Variants in ST3GAL3 observed in about 807,000 individuals in gnomAD.
ST3GAL3 encodes CMP-N-acetylneuraminate-beta-1,4-galactoside alpha-2,3-sialyltransferase.
Under a neutral mutation model 50.1 loss-of-function variants are expected in ST3GAL3, and 21 were observed. The observed-to-expected ratio is 0.42, with a 90% CI of 0.30 to 0.60. The LOEUF (loss-of-function observed/expected upper bound fraction) is 0.60. Ranked by LOEUF, ST3GAL3 falls within the 20% of genes least tolerant of loss-of-function variation. The pLI, the probability that ST3GAL3 is intolerant of heterozygous loss-of-function variation, is 0.19. For synonymous variants in ST3GAL3, 183 were observed against 190.0 expected (o/e 0.96, Z 0.30); for missense variants, 353 against 489.4 (o/e 0.72, Z 2.63).
At chr1:43,793,203 C>T (rs1422717350) in intron 3 of ST3GAL3, among the ~76,000 whole-genome samples, 2 of 152,158 alleles carry the variant, frequency 1.3e-5, no homozygotes, top group Non-Finnish European at 2.9e-5. Flanking sequence ...CTATCTCTTA[C>T]AATCGCTTTT....
intron 4 of ST3GAL3, among the ~76,000 whole-genome samples, chr1:43,837,878 A>G (rs1412308500): frequency 1.3e-5 from 2 of 152,154 alleles, no homozygotes; most frequent in African/African-American, 2.4e-5. Context: ...TTATTTATCT[A>G]TCTATTCCTT....
In ST3GAL3 at chr1:43,907,778, C is replaced by G. The variant is rs553129626; in HGVS notation, c.744+8051C>G. Among the ~76,000 whole-genome samples, 456 of 152,318 alleles carry G rather than the reference C, an allele frequency of 3.0e-3. 2 individuals are homozygous for G. The highest frequency in any genetic ancestry group is 0.01 in the African/African-American group (432 of 41,572). On this transcript the variant is annotated intron_variant, in intron 9 of 11. Transcript: ENST00000347631. The stretch of plus-strand genomic sequence containing the variant: ...TCTCACCTCTTTGCCGGGTCCTCCT[C>G]TCACATCTATGAATGTATTTGGATC...
At chr1:43,776,619 C>G (rs1010045663) in intron 2 of ST3GAL3, among the ~76,000 whole-genome samples, 1 of 152,122 alleles carries the variant, frequency 6.6e-6, no homozygotes, top group Non-Finnish European at 1.5e-5. Context: ...CACATGGTAA[C>G]TCTATACTTA....
rs373360969 is a variant in ST3GAL3 at position 43,899,522 on chromosome 1, G to A, written c.558-19G>A. Reference sequence around the variant, plus strand: ...TCCCAAACACAGGCCCAGGCTCTGAGTGGGCCTGCTCTCTGTAGACTGAAT... The same window carrying A: ...TCCCAAACACAGGCCCAGGCTCTGAATGGGCCTGCTCTCTGTAGACTGAAT... On this transcript the variant is annotated intron_variant, in intron 8 of 11. Coordinates refer to ENST00000347631, the MANE Select transcript of ST3GAL3 (RefSeq NM_006279.5). This position sits in a 1 kb window ranked among gnomAD's most constrained non-coding sequence, Gnocchi z 5.4. 4.6e-5 allele frequency: 74 copies of A among 1,610,750 alleles called. No individual in the cohort carries two copies. Among genetic ancestry groups the A allele is most frequent in the South Asian group, 3.3e-4 (30 of 91,082 alleles).
intron 2 of ST3GAL3, among the ~76,000 whole-genome samples, chr1:43,744,312 T>G (rs1001987725): frequency 5.3e-5 from 8 of 151,582 alleles, no homozygotes; most frequent in Admixed American, 5.3e-4. Context: ...TACAGTGGAG[T>G]GATTTTAGCT....
At chr1:43,848,962 T>C (rs987910980) in intron 5 of ST3GAL3, among the ~76,000 whole-genome samples, 2 of 152,198 alleles carry the variant, frequency 1.3e-5, no homozygotes, top group African/African-American at 4.8e-5. Context: ...TGTCAAATAC[T>C]GTGTTTTTAA....
intron 5 of ST3GAL3, chr1:43,841,569 A>G (rs1334107567): frequency 6.6e-5 from 10 of 152,248 alleles, no homozygotes; most frequent in Admixed American, 3.3e-4. Flanking sequence ...TGTGGGGAGC[A>G]GTGTCCTGAA....
chr1:43,888,963 C>T (rs1199906180), intron 5 of ST3GAL3, among the ~76,000 whole-genome samples: 1 of 152,116 alleles, frequency 6.6e-6, no homozygotes, highest in Non-Finnish European at 1.5e-5. Flanking sequence ...ATAGAAAAGA[C>T]ATATGCATTA....
chr1:43,732,682 A>G (rs769320433), intron 1 of ST3GAL3, among the ~76,000 whole-genome samples: 41 of 152,168 alleles, frequency 2.7e-4, no homozygotes, highest in Non-Finnish European at 5.1e-4. Flanking sequence ...CCATAATTTA[A>G]TTATTGGGTC....
Position 43,848,280 on chromosome 1 carries a change from CTTG to C in ST3GAL3, c.302+9974_302+9976del, listed in dbSNP as rs1434349544. Among the ~76,000 whole-genome samples, 18 of 135,574 alleles carry C rather than the reference CTTG, an allele frequency of 1.3e-4. No individual in the cohort carries two copies. In the East Asian group the frequency reaches 3.2e-3, roughly 24 times the overall value. The allele number at this position is 135,574 out of a possible 152,430, so 88.9% of individuals were successfully genotyped here. ...TTCCAGCAATTTTATTATGGTGTCC[CTTG>C]TTGTGGTTTTCTTTTTTTTTTTTTT... On this transcript the variant is annotated intron_variant, in intron 5 of 11. Transcript: ENST00000347631.
chr1:43,838,480 G>A lies in ST3GAL3; in HGVS notation c.302+169G>A, dbSNP rs1476065287. On this transcript the variant is annotated intron_variant, in intron 5 of 11. Coordinates refer to ENST00000347631, the MANE Select transcript of ST3GAL3 (RefSeq NM_006279.5). ...TCCTACTCCAGTCCTACTCCATGCC[G>A]TTGCTTTGCCTTACTCCCATCCTGC... 1.0e-5 allele frequency: 7 copies of A among 666,824 alleles called. No homozygotes were observed. In the Admixed American group the frequency reaches 1.5e-4, roughly 14 times the overall value. 41.3% of individuals were successfully genotyped at this position (666,824 alleles called of 1,614,324 possible).
chr1:43,737,021 G>T lies in ST3GAL3; in HGVS notation c.118+641G>T. On this transcript the variant is annotated intron_variant, in intron 2 of 11. Coordinates refer to ENST00000347631, the MANE Select transcript of ST3GAL3 (RefSeq NM_006279.5). The surrounding 1 kb of genome is among the most constrained non-coding windows in gnomAD (Gnocchi z 4.0). ...GGTTTGGTTTCTGTTTACCTGATGT[G>T]GCCTGTGTTTTGGTTCTAGGCTTGC... The T allele has an allele frequency of 5.9e-6, 1 of 169,170 alleles. No individual in the cohort carries two copies. The highest frequency in any genetic ancestry group is 1.3e-5 in the Non-Finnish European group (1 of 79,174). 10.5% of individuals were successfully genotyped at this position (169,170 alleles called of 1,614,324 possible). A position where few individuals can be genotyped will look rare whatever the true frequency, so the allele number is the denominator to read the frequency against.
intron 5 of ST3GAL3, among the ~76,000 whole-genome samples, chr1:43,867,419 T>TATCA (rs1224439671): frequency 3.9e-5 from 6 of 152,234 alleles, no homozygotes; most frequent in African/African-American, 1.4e-4. Flanking sequence ...AGATCATGAA[T>TATCA]TTGATTGTGT....
chr1:43,746,282 T>A (rs963418377), intron 2 of ST3GAL3, among the ~76,000 whole-genome samples: 1 of 152,044 alleles, frequency 6.6e-6, no homozygotes, highest in African/African-American at 2.4e-5. Flanking sequence ...GAGTAGTCAA[T>A]TCATAGAGAC....
intron 5 of ST3GAL3, among the ~76,000 whole-genome samples, chr1:43,875,032 T>C (rs2073797130): frequency 6.6e-6 from 1 of 152,028 alleles, no homozygotes; most frequent in Admixed American, 6.6e-5. Context: ...CCAGAGTAGG[T>C]AGGAATTTCG....
intron 9 of ST3GAL3, among the ~76,000 whole-genome samples, chr1:43,901,990 C>T (rs1039726025): frequency 1.3e-5 from 2 of 152,212 alleles, no homozygotes; most frequent in African/African-American, 4.8e-5. Context: ...TTTGGCTGCC[C>T]AAGGGACCTC....
intron 1 of ST3GAL3, among the ~76,000 whole-genome samples, chr1:43,710,299 C>A (rs1251474085): frequency 6.6e-6 from 1 of 152,184 alleles, no homozygotes; most frequent in Non-Finnish European, 1.5e-5. Context: ...CCAGGCTGAT[C>A]TTGAACTCCT....
At chr1:43,827,447 A>G (rs2062961073) in intron 4 of ST3GAL3, among the ~76,000 whole-genome samples, 1 of 152,232 alleles carries the variant, frequency 6.6e-6, no homozygotes, top group Non-Finnish European at 1.5e-5. Flanking sequence ...AATGAAAGAA[A>G]TCAAAGAAAT....
chr1:43,736,606 A>G (rs1452091422), intron 2 of ST3GAL3: 14 of 726,614 alleles, frequency 1.9e-5, no homozygotes, highest in South Asian at 1.6e-4. Flanking sequence ...TCCTTTTACA[A>G]ACTTGGTGAG....
Sources: gnomAD v4.1 joint callset for allele counts (sites outside exome capture counted in the v4.1 genomes callset) on GRCh38, gnomAD v4.1.1 for gene constraint, Gnocchi (gnomAD v3.1) non-coding constraint, MANE v1.5 for transcripts, NCBI Gene and HGNC (gene_info 2026-07-23, HGNC 2026-07-21) for gene names.